Variants in PCDHGA1 observed in about 807,000 individuals in gnomAD.
PCDHGA1 encodes protocadherin gamma-A1.
A neutral mutation model predicts 58.0 loss-of-function variants in PCDHGA1; 32 were observed. The ratio of observed to expected loss-of-function variants is 0.55; its 90% CI spans 0.42 to 0.74. The LOEUF is 0.74. PCDHGA1 is among the 30% of genes least tolerant of loss of function. PCDHGA1 has a pLI of 0.00. For missense variants in PCDHGA1, 1,205 were observed against 1,182.3 expected, an observed-to-expected ratio of 1.02 and a Z score of -0.28; for synonymous variants, 498 against 501.1, an observed-to-expected ratio of 0.99 and a Z score of 0.08.
chr5:141,429,169 T>TACGC (rs2097190400), intron 1 of PCDHGA1: 1 of 145,394 alleles, frequency 6.9e-6, no homozygotes, highest in Non-Finnish European at 1.5e-5. Flanking sequence ...ACATTGTTTA[T>TACGC]ACACACACAC....
intron 1 of PCDHGA1, chr5:141,344,857 C>T: frequency 6.2e-7 from 1 of 1,613,894 alleles, no homozygotes; most frequent in Non-Finnish European, 8.5e-7. Flanking sequence ...GGATTCAATG[C>T]TCAAGTGTCT....
chr5:141,372,231 G>A, intron 1 of PCDHGA1: 2 of 1,613,374 alleles, frequency 1.2e-6, no homozygotes, highest in Non-Finnish European at 8.5e-7. Flanking sequence ...GCAGGCCAGC[G>A]AGCCCGGGCT....
chr5:141,365,633 G>A (rs920081153), intron 1 of PCDHGA1: 2 of 1,613,410 alleles, frequency 1.2e-6, no homozygotes, highest in Non-Finnish European at 1.7e-6. Context: ...CCTCTCTACA[G>A]AAAGCCACAT....
intron 1 of PCDHGA1, among the ~76,000 whole-genome samples, chr5:141,433,761 T>G (rs2154555909): frequency 6.7e-6 from 1 of 148,664 alleles, no homozygotes; most frequent in Admixed American, 6.8e-5. Context: ...TGCTTTAACC[T>G]GGGAGGTGGA....
chr5:141,366,202 C>T lies in PCDHGA1; in HGVS notation c.2421+33097C>T, dbSNP rs548407771. On this transcript the variant is annotated intron_variant, in intron 1 of 3. Transcript: ENST00000517417. ...TCTTTGCGGTTGGGCTGCACACGGGCGAGGTGCGCACAGCGCGAGCCCTGC... is the reference window on the plus strand; with the variant it reads ...TCTTTGCGGTTGGGCTGCACACGGGTGAGGTGCGCACAGCGCGAGCCCTGC... 2.8e-5 allele frequency: 45 copies of T among 1,613,844 alleles called. No individual in the cohort carries two copies. In the South Asian group the frequency reaches 4.8e-4, roughly 17 times the overall value.
chr5:141,379,845 AC>A (rs1334954085), intron 1 of PCDHGA1, among the ~76,000 whole-genome samples: 3 of 138,852 alleles, frequency 2.2e-5, no homozygotes. Context: ...AAAAAAAACT[AC>A]CAAATTATTG....
At position 141,355,250 on chromosome 5, in the gene PCDHGA1, G is replaced by A; in HGVS notation, c.2421+22145G>A. The A allele has an allele frequency of 6.2e-7, 1 of 1,613,314 alleles. No individual in the cohort carries two copies. Among genetic ancestry groups the A allele is most frequent in the East Asian group, 2.2e-5 (1 of 44,882 alleles). On this transcript the variant is annotated intron_variant, in intron 1 of 3. Coordinates refer to ENST00000517417, the MANE Select transcript of PCDHGA1 (RefSeq NM_018912.3). Reference sequence around the variant, plus strand: ...GACCACACCCGGCTGCTCCAGATCTGCCTTCTCCTGGGGGTTCTGGTGGAA... The same window carrying A: ...GACCACACCCGGCTGCTCCAGATCTACCTTCTCCTGGGGGTTCTGGTGGAA...
At position 141,489,314 on chromosome 5, in the gene PCDHGA1, G is replaced by C. The variant is rs374235290; in HGVS notation, c.2422-5493G>C. The stretch of plus-strand genomic sequence containing the variant: ...TGCATGTTGTCCTTGTGCTGCTGGG[G>C]CTGGGTGTCTGGGCAGCTTCGTTAC... On this transcript the variant is annotated intron_variant, in intron 1 of 3. Coordinates refer to ENST00000517417, the MANE Select transcript of PCDHGA1 (RefSeq NM_018912.3). This position sits in a 1 kb window ranked among gnomAD's most constrained non-coding sequence, Gnocchi z 4.5. 2 of 1,596,790 alleles carry C rather than the reference G, an allele frequency of 1.3e-6. No homozygotes were observed. The highest frequency in any genetic ancestry group is 2.2e-5 in the East Asian group (1 of 44,724).
Position 141,400,095 on chromosome 5 carries a change from G to A in PCDHGA1, c.2421+66990G>A, listed in dbSNP as rs6873830. ...CGCCACTCTCCGCCACCGCCACGCT[G>A]CACTTGGTCTTTGCTGACAGCTTGC... On this transcript the variant is annotated intron_variant, in intron 1 of 3. Coordinates refer to ENST00000517417, the MANE Select transcript of PCDHGA1 (RefSeq NM_018912.3). 3.0e-3 allele frequency: 4,838 copies of A among 1,614,064 alleles called. 144 individuals are homozygous for A. The African/African-American group carries it at 0.056, about 19-fold the overall frequency.
At chr5:141,347,954 G>A (rs1758042065) in intron 1 of PCDHGA1, among the ~76,000 whole-genome samples, 1 of 152,108 alleles carries the variant, frequency 6.6e-6, no homozygotes, top group Non-Finnish European at 1.5e-5. Flanking sequence ...GGTATTTCTT[G>A]TCCTTGAGAA....
intron 1 of PCDHGA1, among the ~76,000 whole-genome samples, chr5:141,466,035 C>T (rs10054619): frequency 0.28 from 42,092 of 151,762 alleles, 6,545 homozygotes; most frequent in African/African-American, 0.42. Flanking sequence ...GGCAGGAGAA[C>T]GGCATGAACC....
At position 141,415,832 on chromosome 5, in the gene PCDHGA1, T is replaced by C. The variant is rs995620508; in HGVS notation, c.2422-78975T>C. On this transcript the variant is annotated intron_variant, in intron 1 of 3. Coordinates refer to ENST00000517417, the MANE Select transcript of PCDHGA1 (RefSeq NM_018912.3). ...GCCTATATATCATAAGGCTTTGTTA[T>C]GATTAGCTTTGCAGAACCTTGTAGT... 33 of 1,310,754 alleles carry C rather than the reference T, an allele frequency of 2.5e-5. No individual in the cohort carries two copies. The African/African-American group carries it at 4.7e-4, about 19-fold the overall frequency. 81.2% of individuals were successfully genotyped at this position (1,310,754 alleles called of 1,614,324 possible).
intron 1 of PCDHGA1, chr5:141,423,486 C>G: frequency 6.2e-7 from 1 of 1,613,952 alleles, no homozygotes; most frequent in Non-Finnish European, 8.5e-7. Context: ...TCCTGCAAAC[C>G]TATTCCCACG....
rs561359605 is a variant in PCDHGA1 at position 141,400,125 on chromosome 5, G to A, written c.2421+67020G>A. ...TGGTCTTTGCTGACAGCTTGCAGGA[G>A]GTGCTGCCGGATATCACTGACCGCC... On this transcript the variant is annotated intron_variant, in intron 1 of 3. Coordinates refer to ENST00000517417, the MANE Select transcript of PCDHGA1 (RefSeq NM_018912.3). The A allele has an allele frequency of 2.5e-4, 399 of 1,614,072 alleles. 3 individuals are homozygous for A. In the Admixed American group the frequency reaches 6.3e-3, roughly 26 times the overall value.
intron 1 of PCDHGA1, chr5:141,479,399 T>C (rs2099494765): frequency 6.6e-6 from 1 of 152,576 alleles, no homozygotes; most frequent in African/African-American, 2.4e-5. Flanking sequence ...AGTTCTGGGC[T>C]GTGGTGCACT....
chr5:141,403,791 A>C (rs1265792011), intron 1 of PCDHGA1: 4 of 1,613,782 alleles, frequency 2.5e-6, no homozygotes, highest in Non-Finnish European at 3.4e-6. Flanking sequence ...GTGGCATACA[A>C]ATTCTGGAAA....
At chr5:141,411,881 G>T (rs1299555823) in intron 1 of PCDHGA1, 2 of 152,114 alleles carry the variant, frequency 1.3e-5, no homozygotes, top group Middle Eastern at 3.2e-3. Flanking sequence ...ACATTTCTAA[G>T]AAATAAATGA....
At chr5:141,336,018 A>C (rs1383728313) in intron 1 of PCDHGA1, among the ~76,000 whole-genome samples, 1 of 152,236 alleles carries the variant, frequency 6.6e-6, no homozygotes, top group Admixed American at 6.5e-5. Context: ...TTTAAAATAC[A>C]TGAATTTAGC....
At chr5:141,437,312 G>T (rs2097875410) in intron 1 of PCDHGA1, among the ~76,000 whole-genome samples, 1 of 152,176 alleles carries the variant, frequency 6.6e-6, no homozygotes, top group South Asian at 2.1e-4. Context: ...AAAGCGTTCA[G>T]CTATAATTTA....
Sources: gnomAD v4.1 joint callset for allele counts (sites outside exome capture counted in the v4.1 genomes callset) on GRCh38, gnomAD v4.1.1 for gene constraint, Gnocchi (gnomAD v3.1) non-coding constraint, MANE v1.5 for transcripts, NCBI Gene and HGNC (gene_info 2026-07-23, HGNC 2026-07-21) for gene names.